Variants in RASGRF2 observed in about 807,000 individuals in gnomAD.
RASGRF2 encodes the protein ras-specific guanine nucleotide-releasing factor 2.
Under a neutral mutation model 151.0 loss-of-function variants are expected in RASGRF2, and 76 were observed. The ratio of observed to expected loss-of-function variants is 0.50; its 90% CI spans 0.42 to 0.61. RASGRF2 has a LOEUF of 0.61. Ranked by LOEUF, RASGRF2 falls within the 20% of genes least tolerant of loss-of-function variation. RASGRF2 has a pLI of 0.00. For missense variants in RASGRF2, 1,148 were observed against 1,564.6 expected (o/e 0.73, Z 4.49); for synonymous variants, 504 against 566.5 (o/e 0.89, Z 1.57).
At chr5:81,113,304 A>G (rs919260997) in intron 14 of RASGRF2, 2 of 585,936 alleles carry the variant, frequency 3.4e-6, no homozygotes, top group South Asian at 2.1e-5. Context: ...AGAGATCTCA[A>G]TGCTGCTGTT....
intron 2 of RASGRF2, among the ~76,000 whole-genome samples, chr5:81,044,321 G>A (rs1750768222): frequency 6.6e-6 from 1 of 152,110 alleles, no homozygotes; most frequent in Non-Finnish European, 1.5e-5. Context: ...GGGAGGCTGA[G>A]GTGGGAGAAT....
In RASGRF2 at chr5:81,123,717, CT is replaced by C. The variant is rs1561218680; in HGVS notation, c.2548del (p.Cys850AlafsTer35). 10 of 1,613,976 alleles carry C rather than the reference CT, an allele frequency of 6.2e-6. No homozygotes were observed. Among genetic ancestry groups the C allele is most frequent in the Non-Finnish European group, 8.5e-6 (10 of 1,179,942 alleles). On this transcript the variant is annotated frameshift_variant, in exon 16 of 27. Coordinates refer to ENST00000265080, the MANE Select transcript of RASGRF2 (RefSeq NM_006909.3). LOFTEE classifies it high-confidence loss of function. ...GCAGCGGACACCACAGAACTTTCACCTTGCAGATCCCCCTCAACTCCTCGGC... is the reference window on the plus strand; with the variant it reads ...GCAGCGGACACCACAGAACTTTCACCTGCAGATCCCCCTCAACTCCTCGGC... ...SPAADTTELS[P>X]CRSPSTPRHL...
At chr5:81,034,804 T>G (rs1214969700) in intron 1 of RASGRF2, among the ~76,000 whole-genome samples, 41 of 89,256 alleles carry the variant, frequency 4.6e-4, no homozygotes, top group South Asian at 1.7e-3. Context: ...TGTTGTGGGG[T>G]GGGAGGGGGG....
intron 1 of RASGRF2, among the ~76,000 whole-genome samples, chr5:81,030,269 G>A (rs1188997079): frequency 2.0e-5 from 3 of 152,136 alleles, no homozygotes; most frequent in East Asian, 1.9e-4. Flanking sequence ...AGCAAGGCAG[G>A]CCAACATTCA....
intron 1 of RASGRF2, among the ~76,000 whole-genome samples, chr5:81,031,687 A>G (rs575665036): frequency 6.6e-6 from 1 of 152,348 alleles, no homozygotes; most frequent in East Asian, 1.9e-4. Context: ...AATGCCCACA[A>G]GAGAAAGCAG....
Position 81,184,243 on chromosome 5 carries a change from C to T in RASGRF2, c.2793+3962C>T, listed in dbSNP as rs538616319. ...GTTTTCATTAGAGGTCTACATGCTTCTTGAGCATCTCCTGCTGGGAGGCCT... is the reference window on the plus strand; with the variant it reads ...GTTTTCATTAGAGGTCTACATGCTTTTTGAGCATCTCCTGCTGGGAGGCCT... On this transcript the variant is annotated intron_variant, in intron 18 of 26. Transcript: ENST00000265080. Among the ~76,000 whole-genome samples the T allele has an allele frequency of 2.6e-5, 4 of 152,280 alleles. No homozygotes were observed. The South Asian group carries it at 8.3e-4, about 32-fold the overall frequency.
At chr5:81,154,059 G>A (rs748352711) in intron 17 of RASGRF2, among the ~76,000 whole-genome samples, 7 of 151,842 alleles carry the variant, frequency 4.6e-5, no homozygotes, top group African/African-American at 7.2e-5. Context: ...CTAAATACAC[G>A]AAGCAAAAAC....
At chr5:81,114,636 CCAG>C (rs2112548472) in intron 15 of RASGRF2, among the ~76,000 whole-genome samples, 1 of 152,346 alleles carries the variant, frequency 6.6e-6, no homozygotes, top group African/African-American at 2.4e-5. Context: ...GTCCCCCTCT[CCAG>C]CCCCTGCTCC....
intron 17 of RASGRF2, among the ~76,000 whole-genome samples, chr5:81,178,647 A>C (rs953224993): frequency 1.3e-5 from 2 of 152,210 alleles, no homozygotes; most frequent in Admixed American, 1.3e-4. Context: ...TAGGACCTTA[A>C]ATGGGAGCTG....
chr5:81,137,423 AAATTCACTGTCTAAT>A (rs1753779364), intron 17 of RASGRF2, among the ~76,000 whole-genome samples: 1 of 152,222 alleles, frequency 6.6e-6, no homozygotes, highest in African/African-American at 2.4e-5. Context: ...TAGTTATTTT[AAATTCACTGTCTAAT>A]AATTCCCAGG....
At chr5:80,990,375 C>T (rs1243435025) in intron 1 of RASGRF2, among the ~76,000 whole-genome samples, 1 of 152,108 alleles carries the variant, frequency 6.6e-6, no homozygotes, top group Non-Finnish European at 1.5e-5. Flanking sequence ...AACCCAGAGC[C>T]AATACTTGGA....
At chr5:81,156,437 T>C (rs1002458545) in intron 17 of RASGRF2, among the ~76,000 whole-genome samples, 3 of 152,100 alleles carry the variant, frequency 2.0e-5, no homozygotes, top group African/African-American at 7.2e-5. Context: ...ATGAGTAAAA[T>C]GCAGAAATTC....
intron 17 of RASGRF2, among the ~76,000 whole-genome samples, chr5:81,145,171 G>C (rs1690750494): frequency 6.6e-6 from 1 of 152,128 alleles, no homozygotes; most frequent in South Asian, 2.1e-4. Context: ...GGAGGTTGCA[G>C]TAAGCCTAGA....
intron 17 of RASGRF2, among the ~76,000 whole-genome samples, chr5:81,179,218 C>T (rs1224734276): frequency 6.6e-6 from 1 of 152,210 alleles, no homozygotes; most frequent in African/African-American, 2.4e-5. Context: ...TTAGCCAGCA[C>T]AGAGAAGACT....
Position 81,218,780 on chromosome 5 carries a change from G to A in RASGRF2, c.3553-930G>A, listed in dbSNP as rs181619985. On this transcript the variant is annotated intron_variant, in intron 25 of 26. Transcript: ENST00000265080. ...GGGAATTGCATTGAATTTGTAGATTGCTTTTGGCAGTATGGTCATTTTCAC... is the reference window on the plus strand; with the variant it reads ...GGGAATTGCATTGAATTTGTAGATTACTTTTGGCAGTATGGTCATTTTCAC... Among the ~76,000 whole-genome samples, 1,447 of 152,244 alleles carry A rather than the reference G, an allele frequency of 9.5e-3. 9 individuals are homozygous for A. Among genetic ancestry groups the A allele is most frequent in the African/African-American group, 0.015 (618 of 41,538 alleles).
chr5:81,206,022 G>A (rs1755498074), intron 19 of RASGRF2, among the ~76,000 whole-genome samples: 1 of 152,122 alleles, frequency 6.6e-6, no homozygotes, highest in Non-Finnish European at 1.5e-5. Flanking sequence ...CTTTGAGTAT[G>A]TGCTTGTGCC....
At chr5:81,073,171 G>C (rs1751830419) in intron 4 of RASGRF2, 28 bp from the exon 5 acceptor site, 1 of 1,599,438 alleles carries the variant, frequency 6.3e-7, no homozygotes. Flanking sequence ...TAACTAGTCA[G>C]ATTCCTTTCT....
At chr5:81,009,333 G>A (rs1332999988) in intron 1 of RASGRF2, among the ~76,000 whole-genome samples, 1 of 152,152 alleles carries the variant, frequency 6.6e-6, no homozygotes, top group Non-Finnish European at 1.5e-5. Flanking sequence ...TATACCCTGA[G>A]AGCAGATGTA....
chr5:81,035,380 C>T (rs111513930), intron 1 of RASGRF2, among the ~76,000 whole-genome samples: 12,336 of 152,082 alleles, frequency 0.081, 716 homozygotes, highest in East Asian at 0.16. Context: ...TCAAACACCA[C>T]GTGTTCTCAC....
Sources: gnomAD v4.1 joint callset for allele counts (sites outside exome capture counted in the v4.1 genomes callset) on GRCh38, gnomAD v4.1.1 for gene constraint, MANE v1.5 for transcripts, NCBI Gene and HGNC (gene_info 2026-07-23, HGNC 2026-07-21) for gene names.